Variants in VWA3B observed in about 807,000 individuals in gnomAD.
The protein encoded by VWA3B is von Willebrand factor A domain containing 3B.
VWA3B carries 138 observed loss-of-function variants against 158.3 expected under a neutral mutation model. The observed-to-expected ratio is 0.87, with a 90% CI of 0.76 to 1.00. The LOEUF is 1.00. Among genes scored for constraint, VWA3B ranks in the 50% least tolerant of loss-of-function variants. The probability of loss-of-function intolerance (pLI) is 0.00; values close to 1 mark genes in which losing one functional copy is unlikely to be tolerated. For missense variants in VWA3B, 1,555 were observed against 1,565.1 expected (o/e 0.99, Z 0.11); for synonymous variants, 596 against 587.3 (o/e 1.01, Z -0.21).
At chr2:98,244,825 A>G (rs1392462936) in intron 19 of VWA3B, among the ~76,000 whole-genome samples, 2 of 152,182 alleles carry the variant, frequency 1.3e-5, no homozygotes, top group Non-Finnish European at 2.9e-5. Flanking sequence ...GATAAATAGT[A>G]TTATCACTAT....
Position 98,128,307 on chromosome 2 carries a change from G to A in VWA3B, c.771G>A (p.Arg257=). The stretch of plus-strand genomic sequence containing the variant: ...AATCCAAGGAGCTTCTCCTCCAGAG[G>A]GCCTTGGAGATCCCGTGTCCAGTCT... The part of the protein sequence containing the change: ...PEESKELLLQ[R]ALEIPCPVYT... The change falls in exon 6 of 28, where the codon AGG becomes AGA. Residue 257 remains arginine (R), a synonymous_variant. Coordinates refer to ENST00000477737, the MANE Select transcript of VWA3B (RefSeq NM_144992.5). The A allele has an allele frequency of 6.2e-7, 1 of 1,614,082 alleles. No individual in the cohort carries two copies. Among genetic ancestry groups the A allele is most frequent in the Non-Finnish European group, 8.5e-7 (1 of 1,180,022 alleles).
At chr2:98,264,794 T>C (rs1159099587) in intron 21 of VWA3B, among the ~76,000 whole-genome samples, 1 of 152,130 alleles carries the variant, frequency 6.6e-6, no homozygotes, top group Non-Finnish European at 1.5e-5. Flanking sequence ...TGTCCATTAT[T>C]GAAAGCAGAG....
At chr2:98,160,456 A>G (rs539062895) in intron 7 of VWA3B, among the ~76,000 whole-genome samples, 1 of 152,252 alleles carries the variant, frequency 6.6e-6, no homozygotes, top group African/African-American at 2.4e-5. Context: ...AATCCTAGAT[A>G]CTGCCTGCAC....
the VWA3B span, among the ~76,000 whole-genome samples, chr2:98,329,794 G>A: frequency 6.6e-6 from 1 of 152,148 alleles, no homozygotes; most frequent in Admixed American, 6.5e-5. Flanking sequence ...AAGGCCTTAA[G>A]AACAGACCTG....
chr2:98,142,808 C>T (rs899644155), intron 7 of VWA3B, among the ~76,000 whole-genome samples: 1 of 152,092 alleles, frequency 6.6e-6, no homozygotes, highest in African/African-American at 2.4e-5. Flanking sequence ...GAAGAGCTGG[C>T]AGTCTCTTGA....
At chr2:98,314,520 G>A (rs529812165), downstream of VWA3B, among the ~76,000 whole-genome samples, 5 of 152,310 alleles carry the variant, frequency 3.3e-5, no homozygotes, top group South Asian at 2.1e-4. Context: ...AAATGTTTCC[G>A]TGGTCCCAGC....
intron 7 of VWA3B, among the ~76,000 whole-genome samples, chr2:98,138,835 C>T (rs929532203): frequency 4.6e-5 from 7 of 152,228 alleles, no homozygotes; most frequent in African/African-American, 7.2e-5. Context: ...GAGGTGACAG[C>T]GTGCTGGCAG....
intron 7 of VWA3B, among the ~76,000 whole-genome samples, chr2:98,162,129 G>C (rs1678649981): frequency 6.6e-6 from 1 of 152,142 alleles, no homozygotes; most frequent in South Asian, 2.1e-4. Flanking sequence ...ACCTCTGCAT[G>C]GCACACCACA....
intron 25 of VWA3B, among the ~76,000 whole-genome samples, chr2:98,301,307 A>G (rs1244759615): frequency 6.6e-6 from 1 of 151,900 alleles, no homozygotes. Flanking sequence ...CAAAAAAACA[A>G]AACAAAAAAA....
At chr2:98,272,144 A>G (rs1026600133) in intron 22 of VWA3B, among the ~76,000 whole-genome samples, 3 of 152,232 alleles carry the variant, frequency 2.0e-5, no homozygotes, top group Admixed American at 6.5e-5. Flanking sequence ...TTGAGGGCTC[A>G]GTCCCCAAGA....
chr2:98,088,186 C>A (rs1682003683), intron 1 of VWA3B, among the ~76,000 whole-genome samples: 1 of 152,212 alleles, frequency 6.6e-6, no homozygotes. Flanking sequence ...CACAAATTCA[C>A]CTAAATCACA....
chr2:98,227,434 G>A (rs1459354030), intron 14 of VWA3B, among the ~76,000 whole-genome samples: 1 of 152,158 alleles, frequency 6.6e-6, no homozygotes, highest in Non-Finnish European at 1.5e-5. Flanking sequence ...TCCATGCAAA[G>A]ACTTGTATGC....
At position 98,162,884 on chromosome 2, in the gene VWA3B, G is replaced by T; in HGVS notation, c.1022G>T (p.Trp341Leu). ...AGVREDVFLV[W>L]QEMEEACSTL... Reference sequence around the variant, plus strand: ...GTCAGAGAGGACGTGTTTCTCGTTTGGCAAGAGATGGAGGAAGCCTGCAGC... The same window carrying T: ...GTCAGAGAGGACGTGTTTCTCGTTTTGCAAGAGATGGAGGAAGCCTGCAGC... Residue 341 changes from tryptophan to leucine, a missense_variant, in exon 8 of 28, where the codon TGG becomes TTG. By Grantham distance (61) the Trp-to-Leu change is moderately conservative. Coordinates refer to ENST00000477737, the MANE Select transcript of VWA3B (RefSeq NM_144992.5). 6.2e-7 allele frequency: 1 copy of T among 1,613,904 alleles called. No homozygotes were observed. Among genetic ancestry groups the T allele is most frequent in the South Asian group, 1.1e-5 (1 of 91,058 alleles).
At chr2:98,191,603 C>T (rs1341220561) in intron 10 of VWA3B, among the ~76,000 whole-genome samples, 2 of 152,184 alleles carry the variant, frequency 1.3e-5, no homozygotes, top group Non-Finnish European at 1.5e-5. Context: ...AAGAACGCTA[C>T]TTGTTGCCCC....
chr2:98,141,055 C>T (rs1676742343), intron 7 of VWA3B, among the ~76,000 whole-genome samples: 1 of 152,192 alleles, frequency 6.6e-6, no homozygotes, highest in African/African-American at 2.4e-5. Context: ...GTTGGACAGT[C>T]CTCCTACCCA....
chr2:98,182,945 T>A (rs1445175915), intron 9 of VWA3B, among the ~76,000 whole-genome samples: 3 of 152,134 alleles, frequency 2.0e-5, no homozygotes, highest in Non-Finnish European at 2.9e-5. Context: ...AGATTCTGGA[T>A]ATTTCAAAAT....
At chr2:98,107,290 GT>G (rs534481844) in intron 2 of VWA3B, among the ~76,000 whole-genome samples, 75 of 152,152 alleles carry the variant, frequency 4.9e-4, no homozygotes, top group African/African-American at 1.7e-3. Context: ...TTGGTCTGCA[GT>G]TTTCTCTTTT....
intron 13 of VWA3B, among the ~76,000 whole-genome samples, chr2:98,214,686 ATCATT>A (rs1683825554): frequency 6.6e-6 from 1 of 152,208 alleles, no homozygotes; most frequent in South Asian, 2.1e-4. Context: ...ATGGCTTCAT[ATCATT>A]TCATAAAGAG....
At chr2:98,199,711 A>G (rs1047266954) in intron 12 of VWA3B, among the ~76,000 whole-genome samples, 1 of 152,212 alleles carries the variant, frequency 6.6e-6, no homozygotes, top group Non-Finnish European at 1.5e-5. Context: ...GACAGACAGT[A>G]TTTCTGTTTT....
Sources: gnomAD v4.1 joint callset for allele counts (sites outside exome capture counted in the v4.1 genomes callset) on GRCh38, gnomAD v4.1.1 for gene constraint, MANE v1.5 for transcripts, NCBI Gene and HGNC (gene_info 2026-07-23, HGNC 2026-07-21) for gene names.